The following LRRC69 variants were observed in gnomAD, a reference collection of about 807,000 sequenced individuals.
The protein encoded by LRRC69 is leucine rich repeat containing 69.
In LRRC69, 42 loss-of-function variants were observed where a neutral mutation model predicts 37.8. The ratio of observed to expected loss-of-function variants is 1.11; its 90% CI spans 0.87 to 1.44. The LOEUF (loss-of-function observed/expected upper bound fraction) is 1.44. Ranked by LOEUF, LRRC69 falls within the 40% of genes most tolerant of loss-of-function variation. The pLI is 0.00. For missense variants in LRRC69, 357 were observed against 401.9 expected, an observed-to-expected ratio of 0.89 and a Z score of 0.96; for synonymous variants, 141 against 143.1, an observed-to-expected ratio of 0.99 and a Z score of 0.11.
At chr8:91,183,426 T>C (rs1563616886) in intron 5 of LRRC69, among the ~76,000 whole-genome samples, 1 of 152,098 alleles carries the variant, frequency 6.6e-6, no homozygotes, top group Admixed American at 6.5e-5. Flanking sequence ...AAAATGGTGA[T>C]GGAGTTAGTA....
At chr8:91,141,115 C>T (rs1459818346) in intron 5 of LRRC69, among the ~76,000 whole-genome samples, 2 of 152,056 alleles carry the variant, frequency 1.3e-5, no homozygotes, top group Admixed American at 6.6e-5. Context: ...TTATTTGTAT[C>T]TGTCTTTCAG....
At chr8:91,204,581 G>C (rs377630111) in intron 7 of LRRC69, among the ~76,000 whole-genome samples, 1 of 152,176 alleles carries the variant, frequency 6.6e-6, no homozygotes, top group African/African-American at 2.4e-5. Flanking sequence ...CAGAACAAAG[G>C]CTCCTGCATA....
At chr8:91,131,286 C>T (rs972475185) in intron 3 of LRRC69, among the ~76,000 whole-genome samples, 5 of 147,718 alleles carry the variant, frequency 3.4e-5, no homozygotes, top group African/African-American at 1.2e-4. Flanking sequence ...GTTTTCCAGG[C>T]TGGTCTTACA....
chr8:91,121,191 A>C (rs1261163217), intron 1 of LRRC69, among the ~76,000 whole-genome samples: 2 of 152,022 alleles, frequency 1.3e-5, no homozygotes, highest in Non-Finnish European at 2.9e-5. Flanking sequence ...TCTTGCCTGC[A>C]CCACTGCAGT....
chr8:91,138,142 G>T (rs893780649), intron 5 of LRRC69, among the ~76,000 whole-genome samples: 3 of 151,634 alleles, frequency 2.0e-5, no homozygotes, highest in Non-Finnish European at 4.4e-5. Flanking sequence ...GTGCATAGTT[G>T]GTTTCCAGGA....
At chr8:91,164,243 G>A (rs1292481453) in intron 5 of LRRC69, among the ~76,000 whole-genome samples, 3 of 151,622 alleles carry the variant, frequency 2.0e-5, no homozygotes, top group Non-Finnish European at 4.4e-5. Flanking sequence ...AGTGATTAGA[G>A]GCAGTAAATA....
intron 3 of LRRC69, among the ~76,000 whole-genome samples, chr8:91,127,601 CAAAAAAAAAAAAA>C (rs554876868): frequency 1.1e-4 from 7 of 66,558 alleles, no homozygotes; most frequent in South Asian, 7.3e-4. Flanking sequence ...TGTCATTAAC[CAAAAAAAAAAAAA>C]AAAAAAAAAA....
chr8:91,135,736 A>C, exon 5 of LRRC69: 1 of 1,410,040 alleles, frequency 7.1e-7, no homozygotes, highest in Non-Finnish European at 9.3e-7. Flanking sequence ...TATTTCCATC[A>C]GGAGTAAGTA....
Position 91,187,782 on chromosome 8 carries a change from C to T in LRRC69, c.652-1740C>T, listed in dbSNP as rs111857806. Reference sequence around the variant, plus strand: ...ACCATCCAGTGTCTTCAGACTTATTCAGGGGTTCACTTAAATGCCTTTTCC... The same window carrying T: ...ACCATCCAGTGTCTTCAGACTTATTTAGGGGTTCACTTAAATGCCTTTTCC... On this transcript the variant is annotated intron_variant, in intron 5 of 7. Coordinates refer to ENST00000448384, the Ensembl canonical transcript of LRRC69. 4.2e-3 allele frequency among the ~76,000 whole-genome samples: 640 copies of T among 152,312 alleles called. 2 individuals are homozygous for T. Among genetic ancestry groups the T allele is most frequent in the African/African-American group, 0.014 (602 of 41,580 alleles).
chr8:91,111,622 T>C (rs1813411373), intron 1 of LRRC69, among the ~76,000 whole-genome samples: 1 of 151,984 alleles, frequency 6.6e-6, no homozygotes, highest in South Asian at 2.1e-4. Flanking sequence ...AGCAAACTAA[T>C]GCAGGAATGG....
intron 3 of LRRC69, among the ~76,000 whole-genome samples, chr8:91,129,085 A>G (rs1813765101): frequency 6.6e-6 from 1 of 152,066 alleles, no homozygotes; most frequent in Non-Finnish European, 1.5e-5. Flanking sequence ...AAACTACAGA[A>G]TATCAGTTCA....
intron 1 of LRRC69, among the ~76,000 whole-genome samples, chr8:91,115,245 T>C (rs996804530): frequency 6.6e-6 from 1 of 151,988 alleles, no homozygotes; most frequent in Non-Finnish European, 1.5e-5. Context: ...CAGTTTGAGA[T>C]AAATGGGTGG....
intron 6 of LRRC69, among the ~76,000 whole-genome samples, chr8:91,191,052 C>A (rs78169705): frequency 5.1e-4 from 74 of 145,464 alleles, no homozygotes; most frequent in Middle Eastern, 3.5e-3. Context: ...CCCCCCCCCC[C>A]CCAAGTCAAA....
intron 6 of LRRC69, among the ~76,000 whole-genome samples, chr8:91,196,179 C>T (rs1316340995): frequency 6.6e-6 from 1 of 152,004 alleles, no homozygotes; most frequent in Non-Finnish European, 1.5e-5. Flanking sequence ...GGCCCCCACT[C>T]TCTTCTGGCT....
intron 7 of LRRC69, among the ~76,000 whole-genome samples, chr8:91,216,840 T>C (rs1038314363): frequency 6.6e-6 from 1 of 152,146 alleles, no homozygotes; most frequent in African/African-American, 2.4e-5. Context: ...TATCCCATGA[T>C]TTAACATTTT....
intron 5 of LRRC69, among the ~76,000 whole-genome samples, chr8:91,144,554 C>CAGAGGAA (rs1455505080): frequency 3.3e-5 from 5 of 152,068 alleles, no homozygotes; most frequent in African/African-American, 1.2e-4. Context: ...GAAATAGGAC[C>CAGAGGAA]TCTCATTACT....
At chr8:91,214,279 A>G (rs1809996326) in intron 7 of LRRC69, among the ~76,000 whole-genome samples, 1 of 152,118 alleles carries the variant, frequency 6.6e-6, no homozygotes, top group African/African-American at 2.4e-5. Context: ...GGGAGGCAAG[A>G]CCCCAAGTTG....
chr8:91,193,087 C>T (rs1809529840), intron 6 of LRRC69, among the ~76,000 whole-genome samples: 1 of 144,370 alleles, frequency 6.9e-6, no homozygotes, highest in African/African-American at 2.5e-5. Flanking sequence ...TTTCCCAGCA[C>T]CATTTATTAA....
chr8:91,109,605 T>C (rs1014204355), intron 1 of LRRC69, among the ~76,000 whole-genome samples: 5 of 152,094 alleles, frequency 3.3e-5, no homozygotes, highest in Non-Finnish European at 5.9e-5. Context: ...GATGGCATAT[T>C]AAAAGGCAAT....
Sources: allele counts gnomAD v4.1 joint callset (sites outside exome capture counted in the v4.1 genomes callset), GRCh38; gene constraint gnomAD v4.1.1; transcripts MANE v1.5; gene names NCBI Gene and HGNC (gene_info 2026-07-23, HGNC 2026-07-21).